MIA2: variants seen among roughly 807,000 people sequenced by gnomAD.
MIA2 encodes MIA SH3 domain ER export factor 2.
A neutral mutation model predicts 167.8 loss-of-function variants in MIA2; 127 were observed. The observed-to-expected ratio is 0.76, with a 90% confidence interval of 0.66 to 0.88. The LOEUF (loss-of-function observed/expected upper bound fraction) is 0.88, where lower values mean the gene tolerates loss of function less well. Among genes scored for constraint, MIA2 ranks in the 40% least tolerant of loss-of-function variants. The probability of loss-of-function intolerance (pLI) is 0.00; values close to 1 mark genes in which losing one functional copy is unlikely to be tolerated. For synonymous variants in MIA2, 552 were observed against 541.9 expected (o/e 1.02, Z -0.26); for missense variants, 1,690 against 1,624.7 (o/e 1.04, Z -0.69).
intron 17 of MIA2, 149 bp downstream of exon 17, chr14:39,304,530 A>C (rs2063024368): frequency 2.1e-6 from 1 of 468,040 alleles, no homozygotes; most frequent in Admixed American, 4.4e-5. Context: ...GTGAAACATT[A>C]GTCCTGGTTT....
At chr14:39,330,148 T>C (rs2068489031) in intron 25 of MIA2, among the ~76,000 whole-genome samples, 1 of 152,146 alleles carries the variant, frequency 6.6e-6, no homozygotes. Flanking sequence ...ATTTCAGAAC[T>C]TGTTACTGAT....
intron 25 of MIA2, among the ~76,000 whole-genome samples, chr14:39,342,927 TAG>T (rs1273750777): frequency 6.6e-6 from 1 of 152,174 alleles, no homozygotes; most frequent in Non-Finnish European, 1.5e-5. Context: ...TGTTAGTATA[TAG>T]AGAGTTTATC....
At chr14:39,354,200 G>A (rs541045948), downstream of MIA2, among the ~76,000 whole-genome samples, 37 of 152,238 alleles carry the variant, frequency 2.4e-4, 1 homozygote, top group South Asian at 6.2e-4. Flanking sequence ...AAGTGTTCCT[G>A]TTTCTCCACA....
chr14:39,353,295 C>G (rs2074439118), downstream of MIA2, among the ~76,000 whole-genome samples: 1 of 152,138 alleles, frequency 6.6e-6, no homozygotes, highest in Admixed American at 6.6e-5. Context: ...TTTATTTCAT[C>G]TAACTGTATG....
intron 10 of MIA2, 83 bp downstream of exon 10, chr14:39,291,179 ACTATTTG>A: frequency 8.1e-7 from 1 of 1,237,708 alleles, no homozygotes; most frequent in South Asian, 1.6e-5. Context: ...TCTTCTGAAA[ACTATTTG>A]AAAAAAATGT....
intron 14 of MIA2, among the ~76,000 whole-genome samples, chr14:39,300,992 A>G (rs2062365154): frequency 1.3e-5 from 2 of 148,768 alleles, no homozygotes; most frequent in African/African-American, 5.1e-5. Context: ...ACATATATAC[A>G]CATATATACA....
In MIA2 at chr14:39,247,013, G is replaced by C. The variant is rs572704853; in HGVS notation, c.439G>C (p.Asp147His). 23 of 1,589,620 alleles carry C rather than the reference G, an allele frequency of 1.4e-5. No individual in the cohort carries two copies. The South Asian group carries it at 2.6e-4, about 18-fold the overall frequency. The change falls in exon 4 of 29, where the codon GAT becomes CAT. Residue 147 changes from aspartate (D) to histidine (H), a missense_variant. Physicochemically the swap from Asp to His is moderately conservative, Grantham distance 81. Transcript: ENST00000640607. ...TGAAAATATATATCCTTATGAAGAA[G>C]ATAAAGATGAAAAATCTAGTATATA... The part of the protein sequence containing the change: ...YGENIYPYEE[D>H]KDEKSSIYES...
chr14:39,291,828 G>A (rs1181165624), intron 10 of MIA2, among the ~76,000 whole-genome samples: 2 of 152,210 alleles, frequency 1.3e-5, no homozygotes, highest in Non-Finnish European at 2.9e-5. Context: ...ATTAGGGTAA[G>A]TGATGGGAGT....
chr14:39,267,669 G>A, intron 6 of MIA2: 3 of 938,784 alleles, frequency 3.2e-6, no homozygotes, highest in Non-Finnish European at 4.7e-6. Flanking sequence ...TCCCGCCCGT[G>A]TTCGAGGCAG....
intron 23 of MIA2, among the ~76,000 whole-genome samples, chr14:39,383,110 C>G (rs953558012): frequency 1.3e-5 from 2 of 152,008 alleles, no homozygotes; most frequent in African/African-American, 4.8e-5. Context: ...AAATATAATA[C>G]AGACCTACTT....
At chr14:39,237,161 C>T (rs1387031407) in intron 2 of MIA2, 106 bp downstream of exon 2, 30 of 1,286,412 alleles carry the variant, frequency 2.3e-5, no homozygotes, top group Admixed American at 6.1e-5. Context: ...GGCTCTGTCG[C>T]CCAGGCTGGA....
chr14:39,361,464 G>GT (rs2074681415), intron 23 of MIA2, among the ~76,000 whole-genome samples: 2 of 144,262 alleles, frequency 1.4e-5, no homozygotes, highest in Non-Finnish European at 3.0e-5. Flanking sequence ...CTGAGACAGA[G>GT]TTTCGCTCTT....
In MIA2 at chr14:39,285,428, A is replaced by AC. The variant is rs1416253752; in HGVS notation, c.2131-5584dup. Among the ~76,000 whole-genome samples, 45 of 97,764 alleles carry AC rather than the reference A, an allele frequency of 4.6e-4. 2 individuals carry two copies. The highest frequency in any genetic ancestry group is 9.2e-4 in the African/African-American group (22 of 23,892). 64.1% of individuals were successfully genotyped at this position (97,764 alleles called of 152,430 possible). A position where few individuals can be genotyped will look rare whatever the true frequency, so the allele number is the denominator to read the frequency against. ...GGGGCGGCTGGCCGGGCGGGGGCTG[A>AC]CCCCCCCACCTTCCTCCCGGACGGG... On this transcript the variant is annotated intron_variant, in intron 9 of 28. Transcript: ENST00000640607.
chr14:39,235,877 A>G (rs1038490505), intron 1 of MIA2, among the ~76,000 whole-genome samples: 1 of 152,190 alleles, frequency 6.6e-6, no homozygotes, highest in Non-Finnish European at 1.5e-5. Flanking sequence ...TGAAAAGGGA[A>G]CATTCAAATT....
intron 6 of MIA2, chr14:39,267,481 C>T (rs754807691): frequency 6.8e-6 from 11 of 1,613,322 alleles, no homozygotes; most frequent in Non-Finnish European, 9.3e-6. Context: ...CGGGGTTACC[C>T]CTCAACCGTA....
chr14:39,276,718 A>G (rs1240199425), intron 6 of MIA2: 1 of 482,140 alleles, frequency 2.1e-6, no homozygotes, highest in Non-Finnish European at 3.7e-6. Flanking sequence ...ACCTCTGTAG[A>G]ACTCCAGTTT....
At chr14:39,242,951 C>T (rs1391639751) in intron 3 of MIA2, among the ~76,000 whole-genome samples, 1 of 151,486 alleles carries the variant, frequency 6.6e-6, no homozygotes, top group Admixed American at 6.6e-5. Context: ...GGTGAAACCC[C>T]GTCTCTACTA....
intron 14 of MIA2, among the ~76,000 whole-genome samples, chr14:39,301,006 A>G (rs1325826902): frequency 6.9e-6 from 1 of 144,844 alleles, no homozygotes; most frequent in Non-Finnish European, 1.5e-5. Context: ...ATATACATAT[A>G]TACACATATA....
intron 26 of MIA2, 65 bp downstream of exon 26, chr14:39,346,091 A>G (rs2073178375): frequency 1.0e-5 from 14 of 1,374,496 alleles, no homozygotes; most frequent in Non-Finnish European, 1.3e-5. Flanking sequence ...ACTGGAAGTT[A>G]GAATAAAGAC....
Sources: allele counts gnomAD v4.1 joint callset (sites outside exome capture counted in the v4.1 genomes callset), GRCh38; gene constraint gnomAD v4.1.1; transcripts MANE v1.5; gene names NCBI Gene and HGNC (gene_info 2026-07-23, HGNC 2026-07-21).